The following ACER3 variants were observed in gnomAD, a reference collection of about 807,000 sequenced individuals.
The protein encoded by ACER3 is alkaline ceramidase 3, also known as alkCDase 3.
ACER3 carries 16 observed loss-of-function variants against 48.9 expected under a neutral mutation model. The ratio of observed to expected loss-of-function variants is 0.33; its 90% CI spans 0.22 to 0.50. ACER3 has a LOEUF of 0.50. Among genes scored for constraint, ACER3 ranks in the 20% least tolerant of loss-of-function variants. The pLI is 0.98. For missense variants in ACER3, 227 were observed against 326.0 expected (o/e 0.70, Z 2.34); for synonymous variants, 109 against 107.8 (o/e 1.01, Z -0.07).
chr11:76,970,927 G>A (rs1948281706), intron 3 of ACER3, among the ~76,000 whole-genome samples: 1 of 152,040 alleles, frequency 6.6e-6, no homozygotes, highest in Non-Finnish European at 1.5e-5. Context: ...TTCCTGTATG[G>A]ATTTGCCCAT....
At chr11:76,989,847 A>T (rs1365228325) in intron 5 of ACER3, among the ~76,000 whole-genome samples, 1 of 152,212 alleles carries the variant, frequency 6.6e-6, no homozygotes, top group Non-Finnish European at 1.5e-5. Context: ...AGGGCAATAC[A>T]TGCATGTTAA....
chr11:76,898,937 C>A (rs953725158), intron 1 of ACER3, among the ~76,000 whole-genome samples: 13 of 137,368 alleles, frequency 9.5e-5, no homozygotes, highest in African/African-American at 3.6e-4. Context: ...AAAAAATCCT[C>A]GTTGGTGATC....
At chr11:76,937,706 G>A (rs7942088) in intron 2 of ACER3, among the ~76,000 whole-genome samples, 3,242 of 152,170 alleles carry the variant, frequency 0.021, 116 homozygotes, top group African/African-American at 0.074. Flanking sequence ...CTACTGCAGG[G>A]GGTGGATAGA....
At chr11:76,907,600 G>A (rs1369404009) in intron 1 of ACER3, among the ~76,000 whole-genome samples, 2 of 152,222 alleles carry the variant, frequency 1.3e-5, no homozygotes, top group East Asian at 1.9e-4. Flanking sequence ...GCCGGGCACA[G>A]TGGCTCACAC....
chr11:76,928,533 C>T (rs1221202034), intron 2 of ACER3, among the ~76,000 whole-genome samples: 2 of 152,120 alleles, frequency 1.3e-5, no homozygotes, highest in African/African-American at 4.8e-5. Context: ...GAAGTCCTTG[C>T]CCATGCCTAT....
intron 1 of ACER3, among the ~76,000 whole-genome samples, chr11:76,921,917 T>G (rs1565178229): frequency 6.6e-6 from 1 of 152,174 alleles, no homozygotes; most frequent in Non-Finnish European, 1.5e-5. Flanking sequence ...TTATTTAGTA[T>G]ATTATGCCTT....
intron 6 of ACER3, among the ~76,000 whole-genome samples, chr11:76,995,558 ATT>A (rs1427112513): frequency 1.3e-5 from 2 of 152,128 alleles, no homozygotes; most frequent in Non-Finnish European, 2.9e-5. Flanking sequence ...AAATATACAT[ATT>A]GTTAGATAAA....
chr11:76,914,982 G>A (rs1946484819), intron 1 of ACER3, among the ~76,000 whole-genome samples: 1 of 152,150 alleles, frequency 6.6e-6, no homozygotes. Flanking sequence ...TCACTCATAG[G>A]TGGGAATTGA....
At chr11:76,957,797 G>A (rs1375536755) in intron 2 of ACER3, among the ~76,000 whole-genome samples, 1 of 152,100 alleles carries the variant, frequency 6.6e-6, no homozygotes, top group East Asian at 1.9e-4. Flanking sequence ...CATAGGGCAT[G>A]ACCATTGAAT....
At chr11:76,891,929 T>A (rs1945816194) in intron 1 of ACER3, among the ~76,000 whole-genome samples, 2 of 152,256 alleles carry the variant, frequency 1.3e-5, no homozygotes, top group South Asian at 4.1e-4. Flanking sequence ...CTCTTAACAA[T>A]TAGTATAGAC....
intron 5 of ACER3, among the ~76,000 whole-genome samples, chr11:76,988,328 T>C (rs1278342993): frequency 6.6e-6 from 1 of 152,204 alleles, no homozygotes; most frequent in African/African-American, 2.4e-5. Flanking sequence ...ACTGTATTAG[T>C]CCCTTCTCAT....
intron 1 of ACER3, among the ~76,000 whole-genome samples, chr11:76,925,060 C>T (rs1980204): frequency 0.57 from 86,015 of 150,534 alleles, 27,778 homozygotes; most frequent in Non-Finnish European, 0.74. Flanking sequence ...AGAAGGGCTC[C>T]TTCTTATAGA....
Position 77,024,905 on chromosome 11 carries a change from A to G in ACER3, c.*4578A>G, listed in dbSNP as rs1949528647. 1 of 152,230 alleles carries G rather than the reference A, an allele frequency of 6.6e-6. No homozygotes were observed. Among genetic ancestry groups the G allele is most frequent in the Non-Finnish European group, 1.5e-5 (1 of 68,042 alleles). The allele number at this position is 152,230 out of a possible 1,614,324, so 9.4% of individuals were successfully genotyped here. A position where few individuals can be genotyped will look rare whatever the true frequency, so the allele number is the denominator to read the frequency against. ...TCAAGAAATTCAGTTACAGGCTGCA[A>G]GTGACCTAAAATTCCCCTACTCTAG... On this transcript the variant is annotated 3_prime_UTR_variant, in exon 11 of 11. Transcript: ENST00000532485.
At position 76,984,054 on chromosome 11, in the gene ACER3, C is replaced by T. The variant is rs11237050; in HGVS notation, c.321-1589C>T. 1.5e-3 allele frequency among the ~76,000 whole-genome samples: 223 copies of T among 152,268 alleles called. 2 individuals are homozygous for T. The highest frequency in any genetic ancestry group is 5.1e-3 in the African/African-American group (212 of 41,558). ...CTACCCACCTCGGCCTCCCAAAGTG[C>T]TGGGATTACAGGCGTGAGCCACCGC... On this transcript the variant is annotated intron_variant, in intron 4 of 10. Coordinates refer to ENST00000532485, the MANE Select transcript of ACER3 (RefSeq NM_018367.7).
rs748950171 is a variant in ACER3, at chr11:77,025,367, T to G, written c.*5040T>G. The G allele has an allele frequency of 2.7e-5, 4 of 146,392 alleles. No homozygotes were observed. The highest frequency in any genetic ancestry group is 6.0e-5 in the Non-Finnish European group (4 of 67,120). 9.1% of individuals were successfully genotyped at this position (146,392 alleles called of 1,614,324 possible). A position where few individuals can be genotyped will look rare whatever the true frequency, so the allele number is the denominator to read the frequency against. On this transcript the variant is annotated 3_prime_UTR_variant, in exon 11 of 11. Coordinates refer to ENST00000532485, the MANE Select transcript of ACER3 (RefSeq NM_018367.7). ...CGTTGTATGGCCTGCAAGGTAAGAA[T>G]GGTTATTTTATTTTATTTTATTCTT...
intron 5 of ACER3, among the ~76,000 whole-genome samples, chr11:76,987,656 G>C (rs1948712118): frequency 6.6e-6 from 1 of 152,086 alleles, no homozygotes; most frequent in South Asian, 2.1e-4. Context: ...TGACTAAAGG[G>C]GCCAGGCACA....
At position 77,020,891 on chromosome 11, in the gene ACER3, A is replaced by C. The variant is rs529107026; in HGVS notation, c.*564A>C. 1 of 153,508 alleles carries C rather than the reference A, an allele frequency of 6.5e-6. No homozygotes were observed. The highest frequency in any genetic ancestry group is 1.4e-5 in the Non-Finnish European group (1 of 69,006). The allele number at this position is 153,508 out of a possible 1,614,324, so 9.5% of individuals were successfully genotyped here. A position where few individuals can be genotyped will look rare whatever the true frequency, so the allele number is the denominator to read the frequency against. On this transcript the variant is annotated 3_prime_UTR_variant, in exon 11 of 11. Transcript: ENST00000532485. ...GTGGGATTCTGTGTAGTTCTTCACT[A>C]TCTGTTCCAGGGCTAGTCGGAGGAT...
chr11:76,917,889 AG>A, intron 1 of ACER3, among the ~76,000 whole-genome samples: 1 of 151,888 alleles, frequency 6.6e-6, no homozygotes, highest in South Asian at 2.1e-4. Flanking sequence ...AGAAAAGAAA[AG>A]AAAATAGAAT....
intron 1 of ACER3, among the ~76,000 whole-genome samples, chr11:76,922,520 T>C (rs1946713730): frequency 6.6e-6 from 1 of 152,136 alleles, no homozygotes; most frequent in Non-Finnish European, 1.5e-5. Context: ...CACCTTACAT[T>C]TTCATACTCT....
Sources: gnomAD v4.1 joint callset for allele counts (sites outside exome capture counted in the v4.1 genomes callset) on GRCh38, gnomAD v4.1.1 for gene constraint, MANE v1.5 for transcripts, NCBI Gene and HGNC (gene_info 2026-07-23, HGNC 2026-07-21) for gene names.